The following TENM2 variants were observed in gnomAD, a reference collection of about 807,000 sequenced individuals.
TENM2 encodes the protein teneurin transmembrane protein 2.
In TENM2, 52 loss-of-function variants were observed where a neutral mutation model predicts 245.2. That is an observed-to-expected ratio of 0.21 (90% confidence interval 0.17 to 0.27). The LOEUF (loss-of-function observed/expected upper bound fraction) is 0.27, where lower values mean the gene tolerates loss of function less well. Among genes scored for constraint, TENM2 ranks in the 10% least tolerant of loss-of-function variants. The pLI is 1.00. For synonymous variants in TENM2, 1,363 were observed against 1,438.9 expected, an observed-to-expected ratio of 0.95 and a Z score of 1.19; for missense variants, 3,046 against 3,666.8, an observed-to-expected ratio of 0.83 and a Z score of 4.37.
At chr5:168,230,373 C>CATTT (rs1235962543) in intron 25 of TENM2, among the ~76,000 whole-genome samples, 2 of 152,310 alleles carry the variant, frequency 1.3e-5, no homozygotes, top group Non-Finnish European at 2.9e-5. Context: ...ATTTGCATCT[C>CATTT]ATTTATTTTA....
At chr5:167,755,082 G>A (rs1397965973) in intron 2 of TENM2, 1 of 1,598,894 alleles carries the variant, frequency 6.3e-7, no homozygotes, top group African/African-American at 1.3e-5. Context: ...CTGATCATTA[G>A]CGTTGCTGGC....
intron 5 of TENM2, among the ~76,000 whole-genome samples, chr5:167,997,775 G>A (rs1031752317): frequency 4.6e-5 from 7 of 152,162 alleles, no homozygotes; most frequent in African/African-American, 1.7e-4. Context: ...AAAAACAGGT[G>A]GCAGCCTGGA....
chr5:167,020,503 C>T, the TENM2 span, among the ~76,000 whole-genome samples: 1 of 152,154 alleles, frequency 6.6e-6, no homozygotes, highest in Non-Finnish European at 1.5e-5. Flanking sequence ...TCTCAGGAAA[C>T]CTTTCTAAAG....
At chr5:167,623,141 G>C (rs994330192) in intron 2 of TENM2, among the ~76,000 whole-genome samples, 1 of 152,018 alleles carries the variant, frequency 6.6e-6, no homozygotes, top group South Asian at 2.1e-4. Context: ...CAAGAAATAG[G>C]GCTGCTATTT....
intron 1 of TENM2, among the ~76,000 whole-genome samples, chr5:167,297,244 A>G (rs1465585152): frequency 6.6e-6 from 1 of 152,188 alleles, no homozygotes; most frequent in African/African-American, 2.4e-5. Flanking sequence ...TCAGGGGTTT[A>G]GGTTAATAAA....
At chr5:167,177,327 T>C in the TENM2 span, among the ~76,000 whole-genome samples, 2 of 152,170 alleles carry the variant, frequency 1.3e-5, no homozygotes, top group African/African-American at 4.8e-5. Flanking sequence ...AATCGGTAAT[T>C]ATATCCAAAA....
At chr5:167,534,689 T>C (rs1441101061) in intron 2 of TENM2, among the ~76,000 whole-genome samples, 5 of 152,152 alleles carry the variant, frequency 3.3e-5, no homozygotes. Flanking sequence ...ATAATTAATT[T>C]GGTGTGCGGG....
At chr5:167,665,499 T>A (rs560823388) in intron 2 of TENM2, among the ~76,000 whole-genome samples, 1 of 152,292 alleles carries the variant, frequency 6.6e-6, no homozygotes, top group East Asian at 1.9e-4. Flanking sequence ...GATTCCAGTA[T>A]GTACTAAATA....
rs114001533 is a variant in TENM2 at position 168,149,262 on chromosome 5, C to T, written c.2423-13349C>T. Among the ~76,000 whole-genome samples the T allele has an allele frequency of 3.9e-3, 601 of 152,292 alleles. 6 individuals are homozygous for T. Among genetic ancestry groups the T allele is most frequent in the African/African-American group, 0.014 (581 of 41,546 alleles). ...CTCAGCCATGTCTGTCCTGATGCGG[C>T]ACGATGCTCCCCTGTCACCCTTTCC... On this transcript the variant is annotated intron_variant, in intron 12 of 28. Transcript: ENST00000518659.
chr5:167,805,754 G>T (rs1208990058), intron 2 of TENM2, among the ~76,000 whole-genome samples: 1 of 152,096 alleles, frequency 6.6e-6, no homozygotes, highest in Non-Finnish European at 1.5e-5. Flanking sequence ...AATGAGGTGA[G>T]GTGGTGGGCA....
At chr5:167,338,110 G>A (rs1324713510) in intron 1 of TENM2, among the ~76,000 whole-genome samples, 1 of 152,172 alleles carries the variant, frequency 6.6e-6, no homozygotes, top group African/African-American at 2.4e-5. Flanking sequence ...AGGTCAACAT[G>A]CTGTACTTAT....
intron 27 of TENM2, among the ~76,000 whole-genome samples, chr5:168,254,094 A>G (rs1414157220): frequency 1.3e-5 from 2 of 152,238 alleles, no homozygotes; most frequent in African/African-American, 2.4e-5. Context: ...TCTCATATTT[A>G]CACTTAACAC....
chr5:168,041,891 T>C (rs1262927276), intron 5 of TENM2, among the ~76,000 whole-genome samples: 2 of 152,240 alleles, frequency 1.3e-5, no homozygotes, highest in Admixed American at 1.3e-4. Flanking sequence ...CTTATTCACA[T>C]GTGTTAATTT....
intron 2 of TENM2, among the ~76,000 whole-genome samples, chr5:167,716,655 G>A (rs1759279222): frequency 6.6e-6 from 1 of 152,020 alleles, no homozygotes; most frequent in African/African-American, 2.4e-5. Flanking sequence ...CAGTAAAATA[G>A]CCAAAAATAA....
At chr5:168,104,161 C>T (rs904456419) in intron 9 of TENM2, among the ~76,000 whole-genome samples, 6 of 152,118 alleles carry the variant, frequency 3.9e-5, no homozygotes, top group Non-Finnish European at 2.9e-5. Context: ...TCCAGAGTAG[C>T]TGGGATTACC....
intron 2 of TENM2, among the ~76,000 whole-genome samples, chr5:167,845,276 C>A (rs1444062594): frequency 9.9e-6 from 1 of 101,056 alleles, no homozygotes; most frequent in African/African-American, 3.5e-5. Context: ...CACACACACA[C>A]ACACAACACG....
chr5:167,320,388 C>A (rs1052877368), intron 1 of TENM2, among the ~76,000 whole-genome samples: 1 of 152,128 alleles, frequency 6.6e-6, no homozygotes, highest in African/African-American at 2.4e-5. Context: ...CAGGAAAGGC[C>A]TGAATTGACA....
intron 2 of TENM2, among the ~76,000 whole-genome samples, chr5:167,855,081 C>A (rs1770941207): frequency 6.6e-6 from 1 of 152,202 alleles, no homozygotes; most frequent in Non-Finnish European, 1.5e-5. Flanking sequence ...AAGTCAAAGA[C>A]CTTGCAGTGG....
chr5:167,134,196 T>C, the TENM2 span, among the ~76,000 whole-genome samples: 5 of 152,184 alleles, frequency 3.3e-5, no homozygotes, highest in Admixed American at 6.5e-5. Context: ...AGTTATTGAT[T>C]TGGAAAAAAA....
Sources: gnomAD v4.1 joint callset for allele counts (sites outside exome capture counted in the v4.1 genomes callset) on GRCh38, gnomAD v4.1.1 for gene constraint, MANE v1.5 for transcripts, NCBI Gene and HGNC (gene_info 2026-07-23, HGNC 2026-07-21) for gene names.